Variants in FLT1 observed in about 807,000 individuals in gnomAD.
FLT1 encodes fms related receptor tyrosine kinase 1, also known as vascular endothelial growth factor receptor 1.
In FLT1, 49 loss-of-function variants were observed where a neutral mutation model predicts 156.3. The observed-to-expected ratio is 0.31, with a 90% CI of 0.25 to 0.40. The LOEUF (loss-of-function observed/expected upper bound fraction) is 0.40. FLT1 is among the 10% of genes least tolerant of loss of function. The pLI, the probability that FLT1 is intolerant of heterozygous loss-of-function variation, is 1.00. For synonymous variants in FLT1, 594 were observed against 583.8 expected, an observed-to-expected ratio of 1.02 and a Z score of -0.25; for missense variants, 1,322 against 1,637.2, an observed-to-expected ratio of 0.81 and a Z score of 3.32.
At chr13:28,368,649 T>C in intron 14 of FLT1, 1 of 1,098,452 alleles carries the variant, frequency 9.1e-7, no homozygotes, top group Non-Finnish European at 1.4e-6. Context: ...GATGGTGACG[T>C]TGATGTATAC....
chr13:28,327,665 G>C, intron 19 of FLT1, 115 bp from the exon 20 acceptor site: 1 of 712,532 alleles, frequency 1.4e-6, no homozygotes, highest in South Asian at 1.5e-5. Context: ...TTAGTGGGGC[G>C]AAGGGATGCG....
intron 3 of FLT1, among the ~76,000 whole-genome samples, chr13:28,457,974 G>A (rs1283776085): frequency 1.0e-4 from 12 of 117,802 alleles, no homozygotes; most frequent in South Asian, 2.6e-4. Flanking sequence ...TTGCTCTATC[G>A]CCCAGGCTGG....
intron 13 of FLT1, chr13:28,389,042 T>C (rs147624333): frequency 4.7e-6 from 5 of 1,064,392 alleles, no homozygotes; most frequent in Admixed American, 5.3e-5. Flanking sequence ...TGGACTCTTA[T>C]AATTCACACT....
intron 10 of FLT1, among the ~76,000 whole-genome samples, chr13:28,411,560 A>G (rs1876186355): frequency 6.6e-6 from 1 of 151,798 alleles, no homozygotes; most frequent in Admixed American, 6.6e-5. Flanking sequence ...AAAAAAAAAA[A>G]AAAAAAAACT....
intron 18 of FLT1, 77 bp downstream of exon 18, chr13:28,333,948 A>T (rs1365442153): frequency 1.5e-5 from 14 of 917,394 alleles, no homozygotes; most frequent in African/African-American, 3.2e-5. Context: ...TTCCCAGGCT[A>T]TATCTAACTT....
intron 15 of FLT1, 63 bp from the exon 16 acceptor site, chr13:28,345,614 T>C (rs1351997979): frequency 1.5e-5 from 16 of 1,062,996 alleles, no homozygotes; most frequent in Non-Finnish European, 2.1e-5. Flanking sequence ...AGAATCTTTG[T>C]GGTTTTATAA....
intron 12 of FLT1, 125 bp downstream of exon 12, chr13:28,396,830 GCACTC>G (rs774271605): frequency 1.4e-6 from 1 of 711,584 alleles, no homozygotes; most frequent in South Asian, 1.5e-5. Flanking sequence ...AAGGATGAAG[GCACTC>G]AAAGTTTGAC....
intron 10 of FLT1, among the ~76,000 whole-genome samples, chr13:28,412,373 T>TTTCTTTCTTTCCTTCC (rs1566013076): frequency 7.1e-5 from 9 of 126,272 alleles, no homozygotes; most frequent in African/African-American, 1.9e-4. Context: ...TCTTTCTTTC[T>TTTCTTTCTTTCCTTCC]TTCTTTCTTT....
chr13:28,379,537 G>A (rs1022092729), intron 14 of FLT1, among the ~76,000 whole-genome samples: 1 of 152,254 alleles, frequency 6.6e-6, no homozygotes, highest in East Asian at 1.9e-4. Flanking sequence ...CCAAGCAATC[G>A]AAGCCCTGAG....
intron 14 of FLT1, among the ~76,000 whole-genome samples, chr13:28,376,947 T>C (rs1036035864): frequency 1.3e-5 from 2 of 152,102 alleles, no homozygotes; most frequent in Non-Finnish European, 2.9e-5. Flanking sequence ...CAGAAAGAAA[T>C]GTTTCTAAAA....
At chr13:28,416,872 A>G (rs1337986248) in intron 10 of FLT1, among the ~76,000 whole-genome samples, 1 of 152,232 alleles carries the variant, frequency 6.6e-6, no homozygotes, top group Non-Finnish European at 1.5e-5. Flanking sequence ...ATAATTTTCA[A>G]TGATGATGAC....
intron 23 of FLT1, among the ~76,000 whole-genome samples, chr13:28,319,892 T>A (rs1169583014): frequency 6.6e-6 from 1 of 152,196 alleles, no homozygotes; most frequent in African/African-American, 2.4e-5. Context: ...TTTGAAGATA[T>A]CCTGAAAACT....
In FLT1 at chr13:28,439,271, C is replaced by T. The variant is rs1878208909; in HGVS notation, c.389-926G>A. Among the ~76,000 whole-genome samples the T allele has an allele frequency of 1.3e-5, 2 of 152,140 alleles. No individual in the cohort carries two copies. Among genetic ancestry groups the T allele is most frequent in the Admixed American group, 6.5e-5 (1 of 15,278 alleles). ...TCTTCGGGAGTCATTGTGTTCTGAT[C>T]GTCCCGCATTTGTTCCAGCCTTATA... is the stretch of plus-strand genomic sequence containing the variant. On this transcript the variant is annotated intron_variant, in intron 3 of 29. Coordinates refer to ENST00000282397, the MANE Select transcript of FLT1 (RefSeq NM_002019.4). This position sits in a 1 kb window ranked among gnomAD's most constrained non-coding sequence, Gnocchi z 4.1.
At chr13:28,386,227 C>T (rs1006736941) in intron 13 of FLT1, 26 of 1,052,510 alleles carry the variant, frequency 2.5e-5, no homozygotes, top group African/African-American at 1.7e-4. Flanking sequence ...GGTTCTGCCA[C>T]GTCCCAAAAC....
At chr13:28,338,748 T>A (rs187269370) in intron 17 of FLT1, among the ~76,000 whole-genome samples, 21 of 152,326 alleles carry the variant, frequency 1.4e-4, no homozygotes, top group Admixed American at 1.3e-3. Context: ...CTCAATTATG[T>A]TCTGGATCAC....
chr13:28,348,629 G>A (rs1296621035), intron 15 of FLT1, among the ~76,000 whole-genome samples: 1 of 151,944 alleles, frequency 6.6e-6, no homozygotes, highest in Admixed American at 6.5e-5. Context: ...GAGTTTAGGG[G>A]CCGGGCGCGG....
At chr13:28,316,009 G>A (rs755655552) in intron 25 of FLT1, among the ~76,000 whole-genome samples, 73 of 152,226 alleles carry the variant, frequency 4.8e-4, no homozygotes, top group Non-Finnish European at 8.2e-4. Context: ...ATGAGACTAT[G>A]TGTGGGAAAA....
At chr13:28,312,390 G>A (rs565218061) in intron 25 of FLT1, among the ~76,000 whole-genome samples, 21 of 152,214 alleles carry the variant, frequency 1.4e-4, no homozygotes, top group East Asian at 5.8e-4. Context: ...CAGATGGAAG[G>A]TCTGAGTTCT....
intron 11 of FLT1, among the ~76,000 whole-genome samples, chr13:28,402,936 C>T (rs1008176183): frequency 2.0e-5 from 3 of 152,020 alleles, no homozygotes; most frequent in South Asian, 2.1e-4. Context: ...ATTACCACTA[C>T]GCCCGGCTAA....
Sources: gnomAD v4.1 joint callset for allele counts (sites outside exome capture counted in the v4.1 genomes callset) on GRCh38, gnomAD v4.1.1 for gene constraint, Gnocchi (gnomAD v3.1) non-coding constraint, MANE v1.5 for transcripts, NCBI Gene and HGNC (gene_info 2026-07-23, HGNC 2026-07-21) for gene names.